C22orf39: variants seen among roughly 807,000 people sequenced by gnomAD.
C22orf39 encodes the protein chromosome 22 open reading frame 39.
A neutral mutation model predicts 18.3 loss-of-function variants in C22orf39; 20 were observed. The ratio of observed to expected loss-of-function variants is 1.09; its 90% CI spans 0.77 to 1.59. The LOEUF is 1.59. Among genes scored for constraint, C22orf39 ranks in the 40% most tolerant of loss-of-function variants. C22orf39 has a pLI of 0.00. For synonymous variants in C22orf39, 63 were observed against 59.6 expected (o/e 1.06, Z -0.26); for missense variants, 195 against 156.1 (o/e 1.25, Z -1.33).
intron 2 of C22orf39, among the ~76,000 whole-genome samples, chr22:19,447,161 C>T (rs148239829): frequency 1.1e-4 from 5 of 47,012 alleles, no homozygotes; most frequent in African/African-American, 3.6e-4. Flanking sequence ...AACCACTCTA[C>T]ACCCCCTCCT....
In C22orf39 at chr22:19,441,683, C is replaced by T; in HGVS notation, c.*2582G>A. On this transcript the variant is annotated 3_prime_UTR_variant, in exon 3 of 3. Transcript: ENST00000399562. The stretch of plus-strand genomic sequence containing the variant: ...AGCTGAGATTACAGGTGTGAGCCAC[C>T]ACACTTAGCACCTGTCCAAAAAGTT... 6.5e-7 allele frequency: 1 copy of T among 1,546,270 alleles called. No individual in the cohort carries two copies. Among genetic ancestry groups the T allele is most frequent in the African/African-American group, 1.4e-5 (1 of 73,040 alleles).
chr22:19,447,185 C>A (rs2089645694), intron 2 of C22orf39, among the ~76,000 whole-genome samples, 193 bp downstream of exon 2: 1 of 152,166 alleles, frequency 6.6e-6, no homozygotes, highest in Non-Finnish European at 1.5e-5. Context: ...TGGTCTCCTC[C>A]TTTGTCTTTC....
In C22orf39 at chr22:19,447,173, G is replaced by A. The variant is rs374450670; in HGVS notation, c.192+205C>T. Among the ~76,000 whole-genome samples the A allele has an allele frequency of 1.9e-3, 287 of 152,078 alleles. 3 individuals carry two copies. Among genetic ancestry groups the A allele is most frequent in the African/African-American group, 6.6e-3 (273 of 41,482 alleles). ...CTAAACCACTCTACACCCCCTCCTC[G>A]CTGGTCTCCTCCTTTGTCTTTCACG... On this transcript the variant is annotated intron_variant, in intron 2 of 2. Coordinates refer to ENST00000399562, the MANE Select transcript of C22orf39 (RefSeq NM_173793.5).
chr22:19,443,683 C>A lies in C22orf39; in HGVS notation c.*582G>T, dbSNP rs2089625363. 1.0e-6 allele frequency: 1 copy of A among 983,456 alleles called. No homozygotes were observed. The highest frequency in any genetic ancestry group is 1.2e-6 in the Non-Finnish European group (1 of 828,388). 60.9% of individuals were successfully genotyped at this position (983,456 alleles called of 1,614,324 possible). ...AAAACCAGAGTCTCCAGGGGCCGAC[C>A]TGGGAGCCTAAGAAGTGAAGCCTGC... On this transcript the variant is annotated 3_prime_UTR_variant, in exon 3 of 3. Coordinates refer to ENST00000399562, the MANE Select transcript of C22orf39 (RefSeq NM_173793.5).
At chr22:19,446,327 T>C (rs181250830) in intron 2 of C22orf39, among the ~76,000 whole-genome samples, 245 of 152,352 alleles carry the variant, frequency 1.6e-3, no homozygotes, top group Non-Finnish European at 1.5e-3. Context: ...TAGTCATCAT[T>C]TTCTTTTATA....
Position 19,444,372 on chromosome 22 carries a change from C to T in C22orf39, c.211G>A (p.Glu71Lys), listed in dbSNP as rs578011205. 181 of 1,601,942 alleles carry T rather than the reference C, an allele frequency of 1.1e-4. 2 individuals are homozygous for T. In the South Asian group the frequency reaches 1.7e-3, roughly 15 times the overall value. Residue 71 changes from glutamate to lysine, a missense_variant, in exon 3 of 3, where the codon GAG becomes AAG. Coordinates refer to ENST00000399562, the MANE Select transcript of C22orf39 (RefSeq NM_173793.5). ...CGTGCAGCCCGGACTCGTGCCCGCT[C>T]GCTCTCACAGAGGGATTGCTGTGCA... ...AEAQQSLCES[E>K]RARVRAARKH...
Position 19,447,492 on chromosome 22 carries a change from G to A in C22orf39, c.78C>T (p.Ala26=). 11 of 1,500,834 alleles carry A rather than the reference G, an allele frequency of 7.3e-6. No individual in the cohort carries two copies. The highest frequency in any genetic ancestry group is 9.7e-6 in the Non-Finnish European group (11 of 1,132,354). The allele number at this position is 1,500,834 out of a possible 1,614,324, so 93.0% of individuals were successfully genotyped here. A position where few individuals can be genotyped will look rare whatever the true frequency, so the allele number is the denominator to read the frequency against. The change falls in exon 2 of 3, where the codon GCC becomes GCT. Residue 26 remains alanine (A), a synonymous_variant. Coordinates refer to ENST00000399562, the MANE Select transcript of C22orf39 (RefSeq NM_173793.5). ...CGTAGTAGTGGTGTAGGAAGTGCCT[G>A]GCGCTGCGGCAGAGCTTCCACTCGG... The part of the protein sequence containing the change: ...YRAEWKLCRS[A]RHFLHHYYVH...
Position 19,443,291 on chromosome 22 carries a change from C to T in C22orf39, c.*974G>A. 3 of 985,440 alleles carry T rather than the reference C, an allele frequency of 3.0e-6. No homozygotes were observed. Among genetic ancestry groups the T allele is most frequent in the South Asian group, 9.4e-5 (2 of 21,280 alleles). 61.0% of individuals were successfully genotyped at this position (985,440 alleles called of 1,614,324 possible). A position where few individuals can be genotyped will look rare whatever the true frequency, so the allele number is the denominator to read the frequency against. On this transcript the variant is annotated 3_prime_UTR_variant, in exon 3 of 3. Coordinates refer to ENST00000399562, the MANE Select transcript of C22orf39 (RefSeq NM_173793.5). ...GTGCTGGGCACAGACCCAGCCTAGC[C>T]CTCAGCATCACACAACAGGGCCACC...
rs1222570785 is a variant in C22orf39 at position 19,443,547 on chromosome 22, T to C, written c.*718A>G. On this transcript the variant is annotated 3_prime_UTR_variant, in exon 3 of 3. Coordinates refer to ENST00000399562, the MANE Select transcript of C22orf39 (RefSeq NM_173793.5). ...GATACATTAACCACCAGGGGAAATT[T>C]TGAGGGAAGGAGTGCTTAATTCCAT... The C allele has an allele frequency of 1.0e-6, 1 of 985,660 alleles. No individual in the cohort carries two copies. Among genetic ancestry groups the C allele is most frequent in the African/African-American group, 1.7e-5 (1 of 57,210 alleles). 61.1% of individuals were successfully genotyped at this position (985,660 alleles called of 1,614,324 possible).
Position 19,441,789 on chromosome 22 carries a change from C to T in C22orf39, c.*2476G>A. 1.4e-6 allele frequency: 2 copies of T among 1,436,882 alleles called. No individual in the cohort carries two copies. The highest frequency in any genetic ancestry group is 1.9e-6 in the Non-Finnish European group (2 of 1,079,678). 89.0% of individuals were successfully genotyped at this position (1,436,882 alleles called of 1,614,324 possible). A position where few individuals can be genotyped will look rare whatever the true frequency, so the allele number is the denominator to read the frequency against. ...TACCAAACTGCTTCAGAAATTACCA[C>T]CATTTTATTTTTATTTATTTTGAGA... On this transcript the variant is annotated 3_prime_UTR_variant, in exon 3 of 3. Transcript: ENST00000399562.
chr22:19,447,038 C>T (rs921798932), intron 2 of C22orf39, among the ~76,000 whole-genome samples: 5 of 152,164 alleles, frequency 3.3e-5, no homozygotes, highest in African/African-American at 9.7e-5. Flanking sequence ...TCAGCGGTGT[C>T]TACCGGGGCT....
Position 19,443,787 on chromosome 22 carries a change from A to T in C22orf39, c.*478T>A, listed in dbSNP as rs1367388697. 1.0e-6 allele frequency: 1 copy of T among 984,970 alleles called. No individual in the cohort carries two copies. Among genetic ancestry groups the T allele is most frequent in the African/African-American group, 1.8e-5 (1 of 57,142 alleles). The allele number at this position is 984,970 out of a possible 1,614,324, so 61.0% of individuals were successfully genotyped here. ...CAGTGGAACTGAGCGAGTGGAGCAG[A>T]GTGTGAGCACTCACAATGCTCACCA... On this transcript the variant is annotated 3_prime_UTR_variant, in exon 3 of 3. Coordinates refer to ENST00000399562, the MANE Select transcript of C22orf39 (RefSeq NM_173793.5).
In C22orf39 at chr22:19,447,669, C is replaced by G. The variant is rs199635608; in HGVS notation, c.20G>C (p.Trp7Ser). The change falls in exon 1 of 3, where the codon TGG becomes TCG. Residue 7 changes from tryptophan to serine, a missense_variant. Trp to Ser is a radical substitution (Grantham distance 177). Coordinates refer to ENST00000399562, the MANE Select transcript of C22orf39 (RefSeq NM_173793.5). MADGSG[W>S]QPPRPCEAYR... ...GCTCCGACCCAGCACACTCACCTGCCAGCCGCTGCCGTCCGCCATGTCTGG... is the reference window on the plus strand; with the variant it reads ...GCTCCGACCCAGCACACTCACCTGCGAGCCGCTGCCGTCCGCCATGTCTGG... 1 of 1,611,182 alleles carries G rather than the reference C, an allele frequency of 6.2e-7. No individual in the cohort carries two copies. The highest frequency in any genetic ancestry group is 8.5e-7 in the Non-Finnish European group (1 of 1,179,004).
At chr22:19,444,707 C>T (rs2089631479) in intron 2 of C22orf39, among the ~76,000 whole-genome samples, 1 of 152,162 alleles carries the variant, frequency 6.6e-6, no homozygotes, top group African/African-American at 2.4e-5. Context: ...GAGTCTGGGG[C>T]ATATTCACCT....
In C22orf39 at chr22:19,442,189, G is replaced by A. The variant is rs956564595; in HGVS notation, c.*2076C>T. 2 of 153,650 alleles carry A rather than the reference G, an allele frequency of 1.3e-5. No homozygotes were observed. Among genetic ancestry groups the A allele is most frequent in the Admixed American group, 6.5e-5 (1 of 15,472 alleles). The allele number at this position is 153,650 out of a possible 1,614,324, so 9.5% of individuals were successfully genotyped here. A position where few individuals can be genotyped will look rare whatever the true frequency, so the allele number is the denominator to read the frequency against. On this transcript the variant is annotated 3_prime_UTR_variant, in exon 3 of 3. Transcript: ENST00000399562. ...ACAACTTGTCTGTTTCAAAACTGTG[G>A]TCTTATAAGCCTCAAACCCTGTCCA...
intron 2 of C22orf39, 68 bp from the exon 3 acceptor site, chr22:19,444,458 T>C (rs2089630096): frequency 4.0e-6 from 6 of 1,512,958 alleles, no homozygotes; most frequent in Non-Finnish European, 5.3e-6. Context: ...ACCTCCCCCC[T>C]CTCATCACCC....
rs1050213980 is a variant in C22orf39, at chr22:19,441,727, T to C, written c.*2538A>G. ...AAAAGTTTGAAAGATATTGCTCTTA[T>C]TACAGTATTTGTTTTCTTCATACCA... is the stretch of plus-strand genomic sequence containing the variant. On this transcript the variant is annotated 3_prime_UTR_variant, in exon 3 of 3. Transcript: ENST00000399562. 35 of 1,545,140 alleles carry C rather than the reference T, an allele frequency of 2.3e-5. No individual in the cohort carries two copies. Among genetic ancestry groups the C allele is most frequent in the Non-Finnish European group, 3.0e-5 (34 of 1,144,226 alleles).
rs1011761836 is a variant in C22orf39, at chr22:19,444,135, C to G, written c.*130G>C. On this transcript the variant is annotated 3_prime_UTR_variant, in exon 3 of 3. Coordinates refer to ENST00000399562, the MANE Select transcript of C22orf39 (RefSeq NM_173793.5). Reference sequence around the variant, plus strand: ...CAAGTAGGGCTAGCAATGTCCTGCTCCATGTTCCTGTGAGCAAGAGCTCAC... The same window carrying G: ...CAAGTAGGGCTAGCAATGTCCTGCTGCATGTTCCTGTGAGCAAGAGCTCAC... 1 of 1,400,960 alleles carries G rather than the reference C, an allele frequency of 7.1e-7. No individual in the cohort carries two copies. The highest frequency in any genetic ancestry group is 9.2e-7 in the Non-Finnish European group (1 of 1,087,048). The allele number at this position is 1,400,960 out of a possible 1,614,324, so 86.8% of individuals were successfully genotyped here.
intron 2 of C22orf39, 32 bp downstream of exon 2, chr22:19,447,346 C>A: frequency 6.9e-7 from 1 of 1,442,774 alleles, no homozygotes; most frequent in Non-Finnish European, 9.0e-7. Context: ...GCAAGGCGCT[C>A]CGAAGCGCCG....
Sources: gnomAD v4.1 joint callset for allele counts (sites outside exome capture counted in the v4.1 genomes callset) on GRCh38, gnomAD v4.1.1 for gene constraint, MANE v1.5 for transcripts, NCBI Gene and HGNC (gene_info 2026-07-23, HGNC 2026-07-21) for gene names.